Variants in SELENOF observed in about 807,000 individuals in gnomAD.
SELENOF encodes the protein 15 kDa selenoprotein.
Under a neutral mutation model 20.5 loss-of-function variants are expected in SELENOF, and 16 were observed. That is an observed-to-expected ratio of 0.78 (90% CI 0.53 to 1.19). The LOEUF (loss-of-function observed/expected upper bound fraction) is 1.19. SELENOF is among the 50% of genes most tolerant of loss of function. The pLI is 0.00. For synonymous variants in SELENOF, 78 were observed against 74.5 expected, an observed-to-expected ratio of 1.05 and a Z score of -0.24; for missense variants, 215 against 194.2, an observed-to-expected ratio of 1.11 and a Z score of -0.64.
chr1:86,881,146 A>G (rs1043702320), intron 2 of SELENOF, among the ~76,000 whole-genome samples: 2 of 152,188 alleles, frequency 1.3e-5, no homozygotes, highest in African/African-American at 4.8e-5. Context: ...GGTGGCTTTT[A>G]ATATTAAGTG....
At chr1:86,877,244 CCCT>C (rs1658946381) in intron 3 of SELENOF, among the ~76,000 whole-genome samples, 1 of 152,066 alleles carries the variant, frequency 6.6e-6, no homozygotes, top group South Asian at 2.1e-4. Flanking sequence ...CTCAGAACAG[CCCT>C]ATAAGGTAGA....
intron 2 of SELENOF, among the ~76,000 whole-genome samples, chr1:86,891,021 T>C (rs1026450172): frequency 7.2e-5 from 11 of 151,932 alleles, no homozygotes; most frequent in Non-Finnish European, 1.6e-4. Context: ...ATCAACAGTA[T>C]TCTGGCAGTC....
At chr1:86,891,560 AAT>A (rs1348780915) in intron 2 of SELENOF, among the ~76,000 whole-genome samples, 9 of 152,246 alleles carry the variant, frequency 5.9e-5, no homozygotes, top group African/African-American at 2.2e-4. Context: ...AGAAAGTTGT[AAT>A]ATGTTTAGAT....
intron 2 of SELENOF, among the ~76,000 whole-genome samples, chr1:86,899,129 A>G (rs1299989185): frequency 6.6e-6 from 1 of 151,446 alleles, no homozygotes; most frequent in Non-Finnish European, 1.5e-5. Context: ...CAGGATCCCA[A>G]GGCAGAAGAA....
At chr1:86,869,354 T>C (rs995034468) in intron 3 of SELENOF, among the ~76,000 whole-genome samples, 19 of 152,214 alleles carry the variant, frequency 1.2e-4, no homozygotes, top group African/African-American at 4.1e-4. Context: ...ATGTACCACA[T>C]AATCATTGAA....
chr1:86,912,415 C>T (rs1570412695), intron 1 of SELENOF, among the ~76,000 whole-genome samples: 1 of 152,102 alleles, frequency 6.6e-6, no homozygotes, highest in Admixed American at 6.5e-5. Flanking sequence ...CCATAAATAC[C>T]TCCTATCCTG....
Position 86,899,392 on chromosome 1 carries a change from G to C in SELENOF, c.252+3889C>G, listed in dbSNP as rs1318045243. ...CAGAGGCGCCCCTCACCTCCCGGAC[G>C]GGACGGCTGGCCGGGCAGGGGGCCG... On this transcript the variant is annotated intron_variant, in intron 2 of 4. Coordinates refer to ENST00000331835, the MANE Select transcript of SELENOF (RefSeq NM_004261.5). Among the ~76,000 whole-genome samples, 6 of 130,140 alleles carry C rather than the reference G, an allele frequency of 4.6e-5. 1 individual carries two copies. The East Asian group carries it at 6.0e-4, about 13-fold the overall frequency. The allele number at this position is 130,140 out of a possible 152,430, so 85.4% of individuals were successfully genotyped here.
intron 2 of SELENOF, among the ~76,000 whole-genome samples, chr1:86,901,816 T>C (rs932803852): frequency 6.6e-5 from 10 of 152,196 alleles, no homozygotes; most frequent in Middle Eastern, 3.2e-3. Context: ...TAAGTAAAAA[T>C]AGCTTTTACA....
At chr1:86,863,780 CG>C (rs1255741930) in intron 4 of SELENOF, among the ~76,000 whole-genome samples, 175 bp from the exon 5 acceptor site, 1 of 151,374 alleles carries the variant, frequency 6.6e-6, no homozygotes, top group Non-Finnish European at 1.5e-5. Flanking sequence ...TACAGGATTT[CG>C]GAAAAAAAGG....
At chr1:86,881,263 CT>C (rs1428633733) in intron 2 of SELENOF, among the ~76,000 whole-genome samples, 1 of 152,120 alleles carries the variant, frequency 6.6e-6, no homozygotes, top group Non-Finnish European at 1.5e-5. Flanking sequence ...AAATATTTTC[CT>C]TTAATGAAAT....
intron 3 of SELENOF, among the ~76,000 whole-genome samples, chr1:86,876,537 T>C (rs374110062): frequency 2.0e-4 from 31 of 152,128 alleles, no homozygotes; most frequent in African/African-American, 6.3e-4. Flanking sequence ...AAGGTACCTA[T>C]GAAATCATCT....
At chr1:86,877,015 G>C (rs1314479230) in intron 3 of SELENOF, among the ~76,000 whole-genome samples, 1 of 152,110 alleles carries the variant, frequency 6.6e-6, no homozygotes, top group African/African-American at 2.4e-5. Context: ...CAATATATGA[G>C]TATATAAATG....
At chr1:86,896,131 G>C (rs1172390334) in intron 2 of SELENOF, among the ~76,000 whole-genome samples, 1 of 152,076 alleles carries the variant, frequency 6.6e-6, no homozygotes, top group Admixed American at 6.6e-5. Context: ...GCGAGGCTGA[G>C]GCAGGAGAAT....
At chr1:86,866,265 T>TGTGTGTGTGTGTGTGTG (rs1557451781) in intron 4 of SELENOF, among the ~76,000 whole-genome samples, 1 of 141,356 alleles carries the variant, frequency 7.1e-6, no homozygotes, top group African/African-American at 2.7e-5. Flanking sequence ...TGTGTGTGTG[T>TGTGTGTGTGTGTGTGTG]AGTGGAATAC....
chr1:86,863,281 A>T lies in SELENOF; in HGVS notation c.*193T>A. 1 of 429,478 alleles carries T rather than the reference A, an allele frequency of 2.3e-6. No homozygotes were observed. The highest frequency in any genetic ancestry group is 4.1e-6 in the Non-Finnish European group (1 of 245,810). 26.6% of individuals were successfully genotyped at this position (429,478 alleles called of 1,614,324 possible). A position where few individuals can be genotyped will look rare whatever the true frequency, so the allele number is the denominator to read the frequency against. ...ATGCAGGAGGATGGACATTTATAAA[A>T]AATGGGTTTTGTTAAGCTTGCCAAC... is the stretch of plus-strand genomic sequence containing the variant. On this transcript the variant is annotated 3_prime_UTR_variant, in exon 5 of 5. Coordinates refer to ENST00000331835, the MANE Select transcript of SELENOF (RefSeq NM_004261.5).
At chr1:86,867,486 C>A (rs111677414) in intron 4 of SELENOF, among the ~76,000 whole-genome samples, 2,970 of 141,944 alleles carry the variant, frequency 0.021, 104 homozygotes, top group African/African-American at 0.068. Flanking sequence ...AGCAAGACTC[C>A]GTCTCAACAA....
intron 2 of SELENOF, among the ~76,000 whole-genome samples, chr1:86,895,216 T>C (rs1336993056): frequency 6.6e-6 from 1 of 152,206 alleles, no homozygotes; most frequent in Non-Finnish European, 1.5e-5. Context: ...AAGATACTGC[T>C]CCAAATTTTA....
At chr1:86,913,530 G>A (rs1234494136) in intron 1 of SELENOF, among the ~76,000 whole-genome samples, 1 of 152,188 alleles carries the variant, frequency 6.6e-6, no homozygotes, top group Non-Finnish European at 1.5e-5. Context: ...GCAGCCAGCC[G>A]TATATGAATA....
chr1:86,881,184 TTATAGAAAGTAC>T (rs72156119), intron 2 of SELENOF, among the ~76,000 whole-genome samples: 18,481 of 152,218 alleles, frequency 0.12, 1,201 homozygotes, highest in Non-Finnish European at 0.14. Flanking sequence ...AAAACAATCG[TTATAGAAAGTAC>T]TATGTGGAGA....
Sources: allele counts gnomAD v4.1 joint callset (sites outside exome capture counted in the v4.1 genomes callset), GRCh38; gene constraint gnomAD v4.1.1; transcripts MANE v1.5; gene names NCBI Gene and HGNC (gene_info 2026-07-23, HGNC 2026-07-21).